Variants in PEX5L observed in about 807,000 individuals in gnomAD.
PEX5L encodes the protein peroxisomal biogenesis factor 5 like, also known as PEX5-related protein.
In PEX5L, 30 loss-of-function variants were observed where a neutral mutation model predicts 84.0. The observed-to-expected ratio is 0.36, with a 90% CI of 0.27 to 0.48. The LOEUF (loss-of-function observed/expected upper bound fraction) is 0.48. PEX5L is among the 20% of genes least tolerant of loss of function. The pLI, the probability that PEX5L is intolerant of heterozygous loss-of-function variation, is 0.99. For missense variants in PEX5L, 533 were observed against 754.6 expected, an observed-to-expected ratio of 0.71 and a Z score of 3.44; for synonymous variants, 270 against 283.1, an observed-to-expected ratio of 0.95 and a Z score of 0.46.
chr3:179,930,845 A>G (rs537829277), intron 2 of PEX5L, among the ~76,000 whole-genome samples: 1 of 152,152 alleles, frequency 6.6e-6, no homozygotes, highest in Non-Finnish European at 1.5e-5. Context: ...ACCTCATACA[A>G]ATGTAAATTT....
chr3:180,001,253 C>G lies in PEX5L; in HGVS notation c.22-29588G>C, dbSNP rs182606092. Among the ~76,000 whole-genome samples the G allele has an allele frequency of 5.4e-3, 819 of 151,614 alleles. 5 individuals carry two copies. Among genetic ancestry groups the G allele is most frequent in the African/African-American group, 0.019 (771 of 41,384 alleles). On this transcript the variant is annotated intron_variant, in intron 1 of 14. Coordinates refer to ENST00000467460, the MANE Select transcript of PEX5L (RefSeq NM_016559.3). Reference sequence around the variant, plus strand: ...TGCACTGGCTCTCCTTGCTCCTCAGCTTGCAGATGGCCAATTGTGGGACCT... The same window carrying G: ...TGCACTGGCTCTCCTTGCTCCTCAGGTTGCAGATGGCCAATTGTGGGACCT...
At chr3:179,954,213 G>C (rs375382877) in intron 2 of PEX5L, among the ~76,000 whole-genome samples, 8 of 103,648 alleles carry the variant, frequency 7.7e-5, no homozygotes, top group Non-Finnish European at 1.5e-4. Context: ...TCGGGGGGGG[G>C]GGAAAAAGTC....
intron 1 of PEX5L, among the ~76,000 whole-genome samples, chr3:180,033,860 C>T (rs1791668608): frequency 6.6e-6 from 1 of 152,144 alleles, no homozygotes; most frequent in East Asian, 1.9e-4. Context: ...ATACCTGCGG[C>T]TTTTACTATG....
rs200215475 is a variant in PEX5L, at chr3:179,839,037, G to GA, written c.823-19062dup. Among the ~76,000 whole-genome samples, 788 of 146,010 alleles carry GA rather than the reference G, an allele frequency of 5.4e-3. 4 individuals are homozygous for GA. Among genetic ancestry groups the GA allele is most frequent in the Middle Eastern group, 0.052 (15 of 290 alleles). On this transcript the variant is annotated intron_variant, in intron 8 of 14. Transcript: ENST00000467460. ...AAGAAAGGCTTTCTCATTTGAGAAAGAAAAAAAAAATCTATTTTTTTTTCG... is the reference window on the plus strand; with the variant it reads ...AAGAAAGGCTTTCTCATTTGAGAAAGAAAAAAAAAAATCTATTTTTTTTTCG...
chr3:180,016,930 T>C (rs1409783201), intron 1 of PEX5L, among the ~76,000 whole-genome samples: 1 of 152,222 alleles, frequency 6.6e-6, no homozygotes, highest in Non-Finnish European at 1.5e-5. Context: ...GATTCATGAA[T>C]CCAAGTATTT....
At chr3:179,948,187 A>G (rs543080879) in intron 2 of PEX5L, among the ~76,000 whole-genome samples, 50 of 152,372 alleles carry the variant, frequency 3.3e-4, no homozygotes, top group African/African-American at 1.2e-3. Context: ...TATAATTCAT[A>G]GCAAAGGGCC....
In PEX5L at chr3:179,887,336, C is replaced by T. The variant is rs377406718; in HGVS notation, c.310+337G>A. On this transcript the variant is annotated intron_variant, in intron 4 of 14. Coordinates refer to ENST00000467460, the MANE Select transcript of PEX5L (RefSeq NM_016559.3). ...ATATTTCCAGAAATAATTGGACCAT[C>T]AGCCAGAACTTGAAAACCTTACTCT... 7.2e-5 allele frequency among the ~76,000 whole-genome samples: 11 copies of T among 152,298 alleles called. No homozygotes were observed. In the East Asian group the frequency reaches 1.2e-3, roughly 16 times the overall value.
At chr3:180,035,395 G>A (rs1300387761) in intron 1 of PEX5L, among the ~76,000 whole-genome samples, 1 of 152,054 alleles carries the variant, frequency 6.6e-6, no homozygotes, top group Non-Finnish European at 1.5e-5. Context: ...TCTATCAAAT[G>A]TGATATAATC....
intron 2 of PEX5L, chr3:179,902,557 A>C (rs1045283128): frequency 5.9e-6 from 2 of 340,404 alleles, no homozygotes; most frequent in Non-Finnish European, 1.2e-5. Flanking sequence ...TATATATACA[A>C]ACTTCTTTTT....
chr3:179,863,093 C>G lies in PEX5L; in HGVS notation c.727-3936G>C, dbSNP rs568229022. Among the ~76,000 whole-genome samples the G allele has an allele frequency of 5.3e-5, 8 of 152,272 alleles. No homozygotes were observed. The South Asian group carries it at 1.5e-3, about 28-fold the overall frequency. ...CCAAGAATACACAATGGAGAAAGAA[C>G]AGTGTCTTCAATAAATGGTTCTTGG... is the stretch of plus-strand genomic sequence containing the variant. On this transcript the variant is annotated intron_variant, in intron 7 of 14. Transcript: ENST00000467460.
At chr3:179,931,604 T>C (rs1310548567) in intron 2 of PEX5L, among the ~76,000 whole-genome samples, 1 of 152,250 alleles carries the variant, frequency 6.6e-6, no homozygotes, top group Non-Finnish European at 1.5e-5. Flanking sequence ...TTCTGATGTA[T>C]TTAAATTATT....
chr3:179,906,324 G>C (rs2109110554), intron 2 of PEX5L, among the ~76,000 whole-genome samples: 1 of 152,262 alleles, frequency 6.6e-6, no homozygotes, highest in South Asian at 2.1e-4. Flanking sequence ...AGCTGGCTTT[G>C]AATCAGTAAA....
intron 2 of PEX5L, among the ~76,000 whole-genome samples, chr3:179,899,860 T>C (rs1760720400): frequency 6.6e-6 from 1 of 152,188 alleles, no homozygotes; most frequent in South Asian, 2.1e-4. Flanking sequence ...TTTTCATATA[T>C]GTATGTGTTT....
intron 14 of PEX5L, among the ~76,000 whole-genome samples, chr3:179,804,992 G>A (rs949059652): frequency 4.0e-5 from 6 of 151,780 alleles, no homozygotes; most frequent in African/African-American, 7.3e-5. Context: ...GGTGGTGGGC[G>A]CCTGTAATCC....
chr3:179,974,263 G>A, intron 1 of PEX5L: 5 of 895,374 alleles, frequency 5.6e-6, no homozygotes, highest in Non-Finnish European at 6.7e-6. Context: ...CCAAGTGTGA[G>A]GGGGCAGGGC....
Position 179,799,637 on chromosome 3 carries a change from CT to C in PEX5L, c.*2190del, listed in dbSNP as rs1445737694. 6.6e-6 allele frequency: 1 copy of C among 152,190 alleles called. No homozygotes were observed. Among genetic ancestry groups the C allele is most frequent in the Non-Finnish European group, 1.5e-5 (1 of 68,030 alleles). The allele number at this position is 152,190 out of a possible 1,614,324, so 9.4% of individuals were successfully genotyped here. A position where few individuals can be genotyped will look rare whatever the true frequency, so the allele number is the denominator to read the frequency against. Reference sequence around the variant, plus strand: ...TTGCTTTGAATCCTTTGTTCAGAGGCTATTCAATCCTTTGTCCATGAACTAT... The same window carrying C: ...TTGCTTTGAATCCTTTGTTCAGAGGCATTCAATCCTTTGTCCATGAACTAT... On this transcript the variant is annotated 3_prime_UTR_variant, in exon 15 of 15. Coordinates refer to ENST00000467460, the MANE Select transcript of PEX5L (RefSeq NM_016559.3).
chr3:179,967,159 A>G (rs138749056), intron 2 of PEX5L, among the ~76,000 whole-genome samples: 215 of 152,286 alleles, frequency 1.4e-3, no homozygotes, highest in Non-Finnish European at 2.3e-3. Flanking sequence ...CTGAGGCAAA[A>G]CAGCTTCTTA....
chr3:179,863,818 C>A (rs942458151), intron 7 of PEX5L, among the ~76,000 whole-genome samples: 3 of 152,118 alleles, frequency 2.0e-5, no homozygotes, highest in Non-Finnish European at 4.4e-5. Context: ...CCAGCAATTC[C>A]ACTACTGGGT....
chr3:180,021,470 A>C (rs1270640081), intron 1 of PEX5L, among the ~76,000 whole-genome samples: 1 of 152,196 alleles, frequency 6.6e-6, no homozygotes, highest in Non-Finnish European at 1.5e-5. Context: ...AGGAATCTAC[A>C]TTTCTAACGA....
Sources: allele counts gnomAD v4.1 joint callset (sites outside exome capture counted in the v4.1 genomes callset), GRCh38; gene constraint gnomAD v4.1.1; transcripts MANE v1.5; gene names NCBI Gene and HGNC (gene_info 2026-07-23, HGNC 2026-07-21).